SLC6A6: variants seen among roughly 807,000 people sequenced by gnomAD.
SLC6A6 encodes solute carrier family 6 member 6.
SLC6A6 carries 16 observed loss-of-function variants against 68.8 expected under a neutral mutation model. The ratio of observed to expected loss-of-function variants is 0.23; its 90% CI spans 0.16 to 0.35. SLC6A6 has a LOEUF of 0.35. Among genes scored for constraint, SLC6A6 ranks in the 10% least tolerant of loss-of-function variants. The pLI is 1.00. For synonymous variants in SLC6A6, 312 were observed against 315.4 expected (o/e 0.99, Z 0.12); for missense variants, 474 against 802.8 (o/e 0.59, Z 4.95).
chr3:14,441,445 G>T (rs934749738), intron 2 of SLC6A6, among the ~76,000 whole-genome samples: 2 of 152,314 alleles, frequency 1.3e-5, no homozygotes, highest in Admixed American at 6.5e-5. Flanking sequence ...CCCCGAGGGA[G>T]CAGGGCAGAG....
intron 12 of SLC6A6, 57 bp from the exon 13 acceptor site, chr3:14,479,026 CTG>C: frequency 9.1e-7 from 1 of 1,101,242 alleles, no homozygotes. Context: ...CTCATGGCCC[CTG>C]AGCTGCTGCT....
rs551399035 is a variant in SLC6A6, at chr3:14,450,077, C to G, written c.599+2261C>G. Reference sequence around the variant, plus strand: ...AATCCATTATTATTTATCGAGTGCCCTCATAGTGCATAAAACTACCCCTCA... The same window carrying G: ...AATCCATTATTATTTATCGAGTGCCGTCATAGTGCATAAAACTACCCCTCA... On this transcript the variant is annotated intron_variant, in intron 5 of 14. Coordinates refer to ENST00000622186, the MANE Select transcript of SLC6A6 (RefSeq NM_003043.6). This position sits in a 1 kb window ranked among gnomAD's most constrained non-coding sequence, Gnocchi z 4.1. 6.6e-6 allele frequency among the ~76,000 whole-genome samples: 1 copy of G among 152,180 alleles called. No individual in the cohort carries two copies. Among genetic ancestry groups the G allele is most frequent in the East Asian group, 1.9e-4 (1 of 5,168 alleles).
At position 14,460,776 on chromosome 3, in the gene SLC6A6, C is replaced by T. The variant is rs1700476918; in HGVS notation, c.732+2694C>T. Among the ~76,000 whole-genome samples, 4 of 152,220 alleles carry T rather than the reference C, an allele frequency of 2.6e-5. 1 individual carries two copies. Among genetic ancestry groups the T allele is most frequent in the Admixed American group, 2.0e-4 (3 of 15,284 alleles). On this transcript the variant is annotated intron_variant, in intron 6 of 14. Transcript: ENST00000622186. ...AGGCCTCCCAGGGGTGGGCGTGATT[C>T]CCAGAACAATAGCAGAGCCTGGGCC...
chr3:14,476,111 A>G (rs1159533062), intron 10 of SLC6A6, among the ~76,000 whole-genome samples: 1 of 152,236 alleles, frequency 6.6e-6, no homozygotes, highest in Non-Finnish European at 1.5e-5. Context: ...GGAATCAGAT[A>G]GGCCTTGGAG....
chr3:14,447,013 T>C (rs1480632839), intron 4 of SLC6A6, among the ~76,000 whole-genome samples: 2 of 152,126 alleles, frequency 1.3e-5, no homozygotes, highest in African/African-American at 2.4e-5. Context: ...TATCCATCTA[T>C]TCATCCTTCC....
At chr3:14,436,385 G>A (rs368350282) in intron 2 of SLC6A6, among the ~76,000 whole-genome samples, 78 of 151,910 alleles carry the variant, frequency 5.1e-4, no homozygotes, top group African/African-American at 1.8e-3. Context: ...TTAACTTTTT[G>A]TACAGACAGG....
chr3:14,445,585 C>T, intron 3 of SLC6A6, 132 bp from the exon 4 acceptor site: 1 of 1,022,678 alleles, frequency 9.8e-7, no homozygotes, highest in Non-Finnish European at 1.5e-6. Flanking sequence ...CCACCAGGTC[C>T]AAGAGTTTGG....
At chr3:14,466,742 T>A in intron 7 of SLC6A6, 92 bp downstream of exon 7, 1 of 1,238,368 alleles carries the variant, frequency 8.1e-7, no homozygotes, top group Non-Finnish European at 1.1e-6. Flanking sequence ...TGGCAGCACA[T>A]CTTCCGTGGT....
At position 14,485,316 on chromosome 3, in the gene SLC6A6, A is replaced by G. The variant is rs1322375827; in HGVS notation, c.*309A>G. 5 of 197,400 alleles carry G rather than the reference A, an allele frequency of 2.5e-5. No individual in the cohort carries two copies. The highest frequency in any genetic ancestry group is 5.8e-5 in the Admixed American group (1 of 17,230). The allele number at this position is 197,400 out of a possible 1,614,324, so 12.2% of individuals were successfully genotyped here. ...GGGAATTTGGTAAATTTTTCTTTGT[A>G]TTTTTTTTTTTACATATAAGTATAT... On this transcript the variant is annotated 3_prime_UTR_variant, in exon 15 of 15. Transcript: ENST00000622186.
chr3:14,410,240 G>A (rs1271795168), intron 1 of SLC6A6, among the ~76,000 whole-genome samples: 1 of 148,164 alleles, frequency 6.7e-6, no homozygotes. Context: ...CCCCCTCCCA[G>A]CCGCACCCAT....
chr3:14,482,831 G>A (rs1213925864), intron 14 of SLC6A6, among the ~76,000 whole-genome samples: 2 of 152,138 alleles, frequency 1.3e-5, no homozygotes, highest in African/African-American at 2.4e-5. Context: ...TAGCCAGAAC[G>A]CTAAATGGCC....
At chr3:14,425,577 G>A (rs1699576849) in intron 2 of SLC6A6, among the ~76,000 whole-genome samples, 1 of 152,090 alleles carries the variant, frequency 6.6e-6, no homozygotes, top group Non-Finnish European at 1.5e-5. Flanking sequence ...CCCCCAAGGA[G>A]TAAAGGGAAC....
intron 2 of SLC6A6, among the ~76,000 whole-genome samples, chr3:14,422,128 C>T (rs777033490): frequency 2.6e-5 from 4 of 152,102 alleles, no homozygotes; most frequent in Admixed American, 6.5e-5. Flanking sequence ...CAATTAAGTC[C>T]AGAAACCTCC....
chr3:14,484,904 G>T lies in SLC6A6; in HGVS notation c.1760G>T (p.Arg587Leu). ...KYLLTPREPN[R>L]WAVEREGATP... ...CTGCTGACCCCAAGGGAACCCAACCGCTGGGCTGTGGAGCGCGAGGGAGCC... is the reference window on the plus strand; with the variant it reads ...CTGCTGACCCCAAGGGAACCCAACCTCTGGGCTGTGGAGCGCGAGGGAGCC... Residue 587 changes from arginine to leucine, a missense_variant, in exon 15 of 15, where the codon CGC (arginine) becomes CTC (leucine). Physicochemically the swap from Arg to Leu is moderately radical, Grantham distance 102. Coordinates refer to ENST00000622186, the MANE Select transcript of SLC6A6 (RefSeq NM_003043.6). The T allele has an allele frequency of 1.2e-6, 2 of 1,612,138 alleles. No individual in the cohort carries two copies. Among genetic ancestry groups the T allele is most frequent in the Non-Finnish European group, 1.7e-6 (2 of 1,179,976 alleles).
Position 14,468,457 on chromosome 3 carries a change from A to G in SLC6A6, c.1096+245A>G, listed in dbSNP as rs915416043. Reference sequence around the variant, plus strand: ...AGCATGGGGGGTGGTTAAGTTGGGGAATTTTTAGCTACCTTAGTGTGGTCT... The same window carrying G: ...AGCATGGGGGGTGGTTAAGTTGGGGGATTTTTAGCTACCTTAGTGTGGTCT... On this transcript the variant is annotated intron_variant, in intron 9 of 14. Transcript: ENST00000622186. The surrounding 1 kb of genome is among the most constrained non-coding windows in gnomAD (Gnocchi z 4.5). Among the ~76,000 whole-genome samples, 1 of 150,678 alleles carries G rather than the reference A, an allele frequency of 6.6e-6. No homozygotes were observed. Among genetic ancestry groups the G allele is most frequent in the Non-Finnish European group, 1.5e-5 (1 of 67,764 alleles).
chr3:14,414,302 G>C (rs1448230434), intron 1 of SLC6A6, among the ~76,000 whole-genome samples: 1 of 152,156 alleles, frequency 6.6e-6, no homozygotes, highest in African/African-American at 2.4e-5. Context: ...TTTTTGACCA[G>C]GCTGGTCAAG....
At chr3:14,423,803 T>C (rs1699532992) in intron 2 of SLC6A6, among the ~76,000 whole-genome samples, 2 of 152,188 alleles carry the variant, frequency 1.3e-5, no homozygotes, top group South Asian at 4.1e-4. Flanking sequence ...TTAATTAATA[T>C]TGGTCATAAT....
intron 1 of SLC6A6, among the ~76,000 whole-genome samples, chr3:14,411,856 A>G (rs1334382946): frequency 6.6e-6 from 1 of 152,156 alleles, no homozygotes; most frequent in Non-Finnish European, 1.5e-5. Context: ...AGACAGACCA[A>G]ACTGTACCCT....
intron 13 of SLC6A6, among the ~76,000 whole-genome samples, chr3:14,480,359 C>G (rs1700979252): frequency 6.6e-6 from 1 of 152,208 alleles, no homozygotes; most frequent in African/African-American, 2.4e-5. Context: ...AGCACTCTGA[C>G]CCTCAGTTTC....
Sources: gnomAD v4.1 joint callset for allele counts (sites outside exome capture counted in the v4.1 genomes callset) on GRCh38, gnomAD v4.1.1 for gene constraint, Gnocchi (gnomAD v3.1) non-coding constraint, MANE v1.5 for transcripts, NCBI Gene and HGNC (gene_info 2026-07-23, HGNC 2026-07-21) for gene names.